The following CREBL2 variants were observed in gnomAD, a reference collection of about 807,000 sequenced individuals.
CREBL2 encodes cAMP-responsive element-binding protein-like 2.
Under a neutral mutation model 19.5 loss-of-function variants are expected in CREBL2, and 4 were observed. That is an observed-to-expected ratio of 0.20 (90% CI 0.10 to 0.47). CREBL2 has a LOEUF of 0.47. Ranked by LOEUF, CREBL2 falls within the 20% of genes least tolerant of loss-of-function variation. The pLI is 0.98. For missense variants in CREBL2, 85 were observed against 145.1 expected (o/e 0.59, Z 2.13); for synonymous variants, 42 against 46.6 (o/e 0.90, Z 0.40).
chr12:12,644,931 G>A lies in CREBL2; in HGVS notation c.*2933G>A, dbSNP rs758251760. ...TCCATTACATATTTAGTTTTAAAAGGAGGAGTCACCTTGAATTATTTTCTG... is the reference window on the plus strand; with the variant it reads ...TCCATTACATATTTAGTTTTAAAAGAAGGAGTCACCTTGAATTATTTTCTG... On this transcript the variant is annotated 3_prime_UTR_variant, in exon 4 of 4. Coordinates refer to ENST00000228865, the MANE Select transcript of CREBL2 (RefSeq NM_001310.4). The A allele has an allele frequency of 1.3e-5, 2 of 152,166 alleles. No individual in the cohort carries two copies. Among genetic ancestry groups the A allele is most frequent in the Non-Finnish European group, 2.9e-5 (2 of 68,038 alleles). 9.4% of individuals were successfully genotyped at this position (152,166 alleles called of 1,614,324 possible).
At chr12:12,624,190 G>C (rs376571585) in intron 1 of CREBL2, among the ~76,000 whole-genome samples, 2 of 152,190 alleles carry the variant, frequency 1.3e-5, no homozygotes, top group Non-Finnish European at 2.9e-5. Context: ...TCTTGAACTC[G>C]AGGGTGACAT....
intron 1 of CREBL2, among the ~76,000 whole-genome samples, chr12:12,634,820 C>T (rs1011988232): frequency 5.9e-5 from 9 of 152,064 alleles, no homozygotes; most frequent in Admixed American, 1.3e-4. Context: ...CTTTGAGAGG[C>T]GGAGGCAGGA....
At chr12:12,625,309 T>A (rs1291310013) in intron 1 of CREBL2, among the ~76,000 whole-genome samples, 1 of 152,146 alleles carries the variant, frequency 6.6e-6, no homozygotes, top group African/African-American at 2.4e-5. Flanking sequence ...ATCAGAGGTT[T>A]ATAAAGGAAT....
chr12:12,633,499 G>A (rs557311952), intron 1 of CREBL2, among the ~76,000 whole-genome samples: 1 of 152,268 alleles, frequency 6.6e-6, no homozygotes, highest in Non-Finnish European at 1.5e-5. Context: ...AAAAGACCAG[G>A]TTTTGAAAAC....
chr12:12,622,867 T>C (rs1233808167), intron 1 of CREBL2, among the ~76,000 whole-genome samples: 1 of 152,232 alleles, frequency 6.6e-6, no homozygotes, highest in Non-Finnish European at 1.5e-5. Flanking sequence ...TCTTTATGTT[T>C]TTAAGAGAAA....
chr12:12,628,793 T>C (rs1945421333), intron 1 of CREBL2, among the ~76,000 whole-genome samples: 1 of 152,204 alleles, frequency 6.6e-6, no homozygotes, highest in African/African-American at 2.4e-5. Flanking sequence ...TTTTTAATTT[T>C]TGTATATGGT....
intron 1 of CREBL2, among the ~76,000 whole-genome samples, chr12:12,629,247 A>G (rs558568392): frequency 6.6e-6 from 1 of 152,340 alleles, no homozygotes; most frequent in Non-Finnish European, 1.5e-5. Context: ...CCAGCCCACT[A>G]ACATGGGCTG....
At chr12:12,618,921 C>T (rs918177942) in intron 1 of CREBL2, among the ~76,000 whole-genome samples, 4 of 152,168 alleles carry the variant, frequency 2.6e-5, no homozygotes, top group African/African-American at 7.2e-5. Context: ...CACCTGCAAT[C>T]CCAGGCACTC....
At chr12:12,635,039 G>A (rs1945464274) in intron 1 of CREBL2, among the ~76,000 whole-genome samples, 1 of 151,858 alleles carries the variant, frequency 6.6e-6, no homozygotes, top group Non-Finnish European at 1.5e-5. Flanking sequence ...TCCAGCCTGG[G>A]TAACAGAGTA....
chr12:12,624,483 A>G (rs1016332326), intron 1 of CREBL2, among the ~76,000 whole-genome samples: 7 of 152,206 alleles, frequency 4.6e-5, no homozygotes, highest in African/African-American at 1.7e-4. Context: ...GGTGCCTCAT[A>G]TACTCAGCCC....
chr12:12,612,329 G>T, intron 1 of CREBL2, 142 bp downstream of exon 1: 1 of 1,464,916 alleles, frequency 6.8e-7, no homozygotes, highest in East Asian at 2.3e-5. Context: ...TCCACTGCCC[G>T]ATGGTACCCA....
intron 1 of CREBL2, among the ~76,000 whole-genome samples, chr12:12,616,935 A>G (rs1200127839): frequency 1.3e-5 from 2 of 152,182 alleles, no homozygotes; most frequent in Non-Finnish European, 2.9e-5. Context: ...GCAGTTATAG[A>G]GAGGTAGTAT....
At chr12:12,640,829 C>G (rs1296768350) in intron 3 of CREBL2, among the ~76,000 whole-genome samples, 58 of 152,082 alleles carry the variant, frequency 3.8e-4, no homozygotes, top group Admixed American at 6.5e-5. Flanking sequence ...CTCTAGGCTT[C>G]TTTTCACTTT....
chr12:12,622,102 A>T (rs1410363448), intron 1 of CREBL2, among the ~76,000 whole-genome samples: 1 of 152,138 alleles, frequency 6.6e-6, no homozygotes, highest in Non-Finnish European at 1.5e-5. Context: ...TCAGATACGG[A>T]TTGGGTGTGT....
intron 1 of CREBL2, among the ~76,000 whole-genome samples, chr12:12,619,663 A>G (rs1174116450): frequency 1.3e-5 from 2 of 152,216 alleles, no homozygotes; most frequent in African/African-American, 2.4e-5. Flanking sequence ...CAATTAGAAA[A>G]TAGAAATGTG....
chr12:12,630,116 A>C (rs1398032876), intron 1 of CREBL2, among the ~76,000 whole-genome samples: 1 of 152,140 alleles, frequency 6.6e-6, no homozygotes, highest in Non-Finnish European at 1.5e-5. Context: ...GGCCTCGTGG[A>C]GTAAGTTGAA....
At chr12:12,627,289 G>T (rs1945408690) in intron 1 of CREBL2, among the ~76,000 whole-genome samples, 1 of 152,028 alleles carries the variant, frequency 6.6e-6, no homozygotes, top group Non-Finnish European at 1.5e-5. Context: ...GATAGTATAG[G>T]AACTCCCTGT....
At chr12:12,637,791 A>G in intron 3 of CREBL2, 77 bp downstream of exon 3, 1 of 1,436,340 alleles carries the variant, frequency 7.0e-7, no homozygotes, top group Non-Finnish European at 9.2e-7. Context: ...CTGTAATCCT[A>G]GCACTTTGGG....
chr12:12,627,459 A>G lies in CREBL2; in HGVS notation c.16-8318A>G, dbSNP rs571740677. On this transcript the variant is annotated intron_variant, in intron 1 of 3. Coordinates refer to ENST00000228865, the MANE Select transcript of CREBL2 (RefSeq NM_001310.4). ...AACCATTAATCTACTTTAAGTCTCT[A>G]TAGATTTGGAATAATACAATATGTG... Among the ~76,000 whole-genome samples, 119 of 152,328 alleles carry G rather than the reference A, an allele frequency of 7.8e-4. 1 individual carries two copies. The highest frequency in any genetic ancestry group is 2.6e-3 in the Admixed American group (40 of 15,306).
Sources: gnomAD v4.1 joint callset for allele counts (sites outside exome capture counted in the v4.1 genomes callset) on GRCh38, gnomAD v4.1.1 for gene constraint, MANE v1.5 for transcripts, NCBI Gene and HGNC (gene_info 2026-07-23, HGNC 2026-07-21) for gene names.